ENTREP2: variants seen among roughly 807,000 people sequenced by gnomAD.
ENTREP2 encodes the protein protein ENTREP2.
chr15:29,591,641 C>A, the ENTREP2 span, among the ~76,000 whole-genome samples: 1 of 151,948 alleles, frequency 6.6e-6, no homozygotes, highest in Admixed American at 6.6e-5. Context: ...CACCTGCAAT[C>A]CCAGCACTTT....
the ENTREP2 span, among the ~76,000 whole-genome samples, chr15:29,607,310 T>C: frequency 5.3e-5 from 8 of 151,808 alleles, no homozygotes; most frequent in African/African-American, 1.9e-4. Context: ...ATTTCTTTTT[T>C]TTTTTTTTTG....
At chr15:29,318,747 A>G in the ENTREP2 span, among the ~76,000 whole-genome samples, 1 of 152,208 alleles carries the variant, frequency 6.6e-6, no homozygotes, top group Non-Finnish European at 1.5e-5. Flanking sequence ...CTTTATTGTG[A>G]TAACCGTCTT....
At chr15:29,232,519 G>A in the ENTREP2 span, among the ~76,000 whole-genome samples, 1 of 151,432 alleles carries the variant, frequency 6.6e-6, no homozygotes, top group East Asian at 1.9e-4. Context: ...GAGATGGGGG[G>A]TCTCACTCTG....
chr15:29,328,457 G>A, the ENTREP2 span, among the ~76,000 whole-genome samples: 1 of 152,194 alleles, frequency 6.6e-6, no homozygotes, highest in Non-Finnish European at 1.5e-5. Context: ...AGGATCTCAG[G>A]ATCCTAATTT....
At chr15:29,433,807 C>T in the ENTREP2 span, among the ~76,000 whole-genome samples, 1 of 150,228 alleles carries the variant, frequency 6.7e-6, no homozygotes, top group Non-Finnish European at 1.5e-5. Flanking sequence ...AAACAGCTAC[C>T]TTCTGGCCCT....
the ENTREP2 span, among the ~76,000 whole-genome samples, chr15:29,200,810 C>T: frequency 3.3e-5 from 5 of 152,114 alleles, no homozygotes; most frequent in East Asian, 1.9e-4. Flanking sequence ...GATCTGCCTG[C>T]CTTGGCCTCC....
the ENTREP2 span, among the ~76,000 whole-genome samples, chr15:29,303,513 T>C: frequency 3.9e-5 from 6 of 152,116 alleles, no homozygotes; most frequent in Non-Finnish European, 7.4e-5. Flanking sequence ...GGGTACTTTT[T>C]TTAGGTTTAG....
chr15:29,621,150 G>A, the ENTREP2 span, among the ~76,000 whole-genome samples: 1 of 152,012 alleles, frequency 6.6e-6, no homozygotes, highest in East Asian at 1.9e-4. Flanking sequence ...AGCACTTTGG[G>A]AGGCCGAGGC....
chr15:29,568,832 G>A, the ENTREP2 span, among the ~76,000 whole-genome samples: 1 of 152,110 alleles, frequency 6.6e-6, no homozygotes, highest in South Asian at 2.1e-4. Context: ...AAATGTAGGG[G>A]ATGATGTGCA....
the ENTREP2 span, among the ~76,000 whole-genome samples, chr15:29,333,196 A>T: frequency 6.6e-6 from 1 of 152,124 alleles, no homozygotes; most frequent in Non-Finnish European, 1.5e-5. Context: ...GTCCTGGGAA[A>T]CCAGGGAGAG....
At chr15:29,515,567 C>A in the ENTREP2 span, among the ~76,000 whole-genome samples, 12 of 152,334 alleles carry the variant, frequency 7.9e-5, no homozygotes, top group East Asian at 2.1e-3. Context: ...ATGAATTCTG[C>A]TGGCACCTGA....
the ENTREP2 span, among the ~76,000 whole-genome samples, chr15:29,447,337 G>A: frequency 6.6e-6 from 1 of 152,256 alleles, no homozygotes; most frequent in East Asian, 1.9e-4. Flanking sequence ...TGATCAGTGG[G>A]CATGCCTTTA....
chr15:29,642,299 A>C, the ENTREP2 span, among the ~76,000 whole-genome samples: 1 of 152,024 alleles, frequency 6.6e-6, no homozygotes, highest in Non-Finnish European at 1.5e-5. Flanking sequence ...TATATAGATC[A>C]GTGGAATAGA....
the ENTREP2 span, among the ~76,000 whole-genome samples, chr15:29,569,042 G>A: frequency 2.0e-5 from 3 of 152,198 alleles, no homozygotes; most frequent in African/African-American, 7.2e-5. Flanking sequence ...TTAAACCTCA[G>A]TGCCCGCTAG....
the ENTREP2 span, among the ~76,000 whole-genome samples, chr15:29,497,952 TATG>T: frequency 2.6e-5 from 4 of 152,304 alleles, no homozygotes; most frequent in Middle Eastern, 3.4e-3. Flanking sequence ...CTGCATCACC[TATG>T]ATAAGATTTG....
the ENTREP2 span, among the ~76,000 whole-genome samples, chr15:29,346,000 G>A: frequency 6.6e-6 from 1 of 152,190 alleles, no homozygotes; most frequent in Admixed American, 6.5e-5. Context: ...TTTTCCAAAA[G>A]AGGAAACTGG....
the ENTREP2 span, chr15:29,234,992 A>G: frequency 1.5e-6 from 2 of 1,379,030 alleles, no homozygotes; most frequent in Non-Finnish European, 2.1e-6. Context: ...GCCATCATGC[A>G]CATTTAGGGT....
the ENTREP2 span, among the ~76,000 whole-genome samples, chr15:29,171,988 T>C: frequency 1.3e-5 from 2 of 152,200 alleles, no homozygotes; most frequent in South Asian, 2.1e-4. Context: ...TTAACCTTAA[T>C]TGACTTCAAT....
the ENTREP2 span, among the ~76,000 whole-genome samples, chr15:29,580,353 T>C: frequency 6.6e-6 from 1 of 152,204 alleles, no homozygotes; most frequent in Non-Finnish European, 1.5e-5. Context: ...GTAATAATAA[T>C]ACCTATCTTA....
Sources: allele counts gnomAD v4.1 joint callset (sites outside exome capture counted in the v4.1 genomes callset), GRCh38; gene constraint gnomAD v4.1.1; transcripts MANE v1.5; gene names NCBI Gene and HGNC (gene_info 2026-07-23, HGNC 2026-07-21).